The following VAV3 variants were observed in gnomAD, a reference collection of about 807,000 sequenced individuals.
VAV3 encodes vav guanine nucleotide exchange factor 3.
In VAV3, 94 loss-of-function variants were observed where a neutral mutation model predicts 131.2. The observed-to-expected ratio is 0.72, with a 90% CI of 0.61 to 0.85. The LOEUF is 0.85. VAV3 is among the 40% of genes least tolerant of loss of function. The pLI, the probability that VAV3 is intolerant of heterozygous loss-of-function variation, is 0.00. For missense variants in VAV3, 939 were observed against 1,002.7 expected (o/e 0.94, Z 0.86); for synonymous variants, 349 against 342.0 (o/e 1.02, Z -0.22).
At chr1:107,922,951 C>CAA (rs1320244225) in intron 1 of VAV3, among the ~76,000 whole-genome samples, 1 of 75,412 alleles carries the variant, frequency 1.3e-5, no homozygotes, top group East Asian at 3.7e-4. Context: ...GACTCCGTCT[C>CAA]AAAAAAAAAA....
At chr1:107,895,499 C>T (rs928013331) in intron 1 of VAV3, among the ~76,000 whole-genome samples, 6 of 152,136 alleles carry the variant, frequency 3.9e-5, no homozygotes, top group African/African-American at 9.7e-5. Flanking sequence ...GATGAGGAAA[C>T]AGAGGTAGAG....
intron 1 of VAV3, among the ~76,000 whole-genome samples, chr1:107,935,684 G>T (rs1673675661): frequency 6.6e-6 from 1 of 152,208 alleles, no homozygotes; most frequent in African/African-American, 2.4e-5. Flanking sequence ...ACAATAGGGT[G>T]CAGTGGTGTG....
chr1:107,728,600 C>CATATAT lies in VAV3; in HGVS notation c.1502+20367_1502+20368insATATAT, dbSNP rs1553196116. 3.0e-3 allele frequency among the ~76,000 whole-genome samples: 415 copies of CATATAT among 136,960 alleles called. 1 individual carries two copies. The highest frequency in any genetic ancestry group is 4.7e-3 in the Non-Finnish European group (302 of 64,888). 89.9% of individuals were successfully genotyped at this position (136,960 alleles called of 152,430 possible). A position where few individuals can be genotyped will look rare whatever the true frequency, so the allele number is the denominator to read the frequency against. On this transcript the variant is annotated intron_variant, in intron 15 of 26. Transcript: ENST00000370056. ...GAGGACAGTCATATGTATACGTATA[C>CATATAT]GTATATGTATATGTATATGTATATG... is the stretch of plus-strand genomic sequence containing the variant.
At chr1:107,632,699 C>T (rs1363878712) in intron 20 of VAV3, among the ~76,000 whole-genome samples, 1 of 152,188 alleles carries the variant, frequency 6.6e-6, no homozygotes, top group African/African-American at 2.4e-5. Context: ...TAATGTCAAA[C>T]CAATGATAGG....
At chr1:107,831,372 G>T (rs905099102) in intron 2 of VAV3, among the ~76,000 whole-genome samples, 1 of 152,114 alleles carries the variant, frequency 6.6e-6, no homozygotes, top group Non-Finnish European at 1.5e-5. Flanking sequence ...AAAAGAAAAG[G>T]CTATCAAAAT....
At chr1:107,879,517 C>T (rs1670662237) in intron 1 of VAV3, among the ~76,000 whole-genome samples, 1 of 151,780 alleles carries the variant, frequency 6.6e-6, no homozygotes, top group Admixed American at 6.6e-5. Context: ...GATTTTATGG[C>T]TAGAGATAGG....
At position 107,949,246 on chromosome 1, in the gene VAV3, T is replaced by A. The variant is rs555040007; in HGVS notation, c.204+15420A>T. ...TTTTATGTCACATTCTGGTTTTTTTTACATATAATTCATTTATTTTTCAAC... is the reference window on the plus strand; with the variant it reads ...TTTTATGTCACATTCTGGTTTTTTTAACATATAATTCATTTATTTTTCAAC... On this transcript the variant is annotated intron_variant, in intron 1 of 26. Transcript: ENST00000370056. 2.7e-3 allele frequency among the ~76,000 whole-genome samples: 407 copies of A among 152,354 alleles called. 1 individual carries two copies. The highest frequency in any genetic ancestry group is 9.3e-3 in the African/African-American group (386 of 41,584).
chr1:107,602,927 T>C, intron 23 of VAV3, 120 bp downstream of exon 23: 1 of 715,358 alleles, frequency 1.4e-6, no homozygotes, highest in Admixed American at 2.4e-5. Context: ...TCTGGATAGA[T>C]GCATTATTTC....
intron 2 of VAV3, chr1:107,820,648 ATT>A (rs1030394208): frequency 3.9e-5 from 6 of 152,198 alleles, no homozygotes; most frequent in Non-Finnish European, 7.4e-5. Flanking sequence ...AATGATAAAT[ATT>A]TGAGTCGACA....
chr1:107,659,290 G>A (rs1461574163), intron 19 of VAV3, among the ~76,000 whole-genome samples: 3 of 151,762 alleles, frequency 2.0e-5, no homozygotes, highest in Admixed American at 6.6e-5. Flanking sequence ...AAAAAAAAAA[G>A]TATAAAAGGC....
chr1:107,836,184 A>G (rs1158788851), intron 2 of VAV3, among the ~76,000 whole-genome samples: 36 of 152,214 alleles, frequency 2.4e-4, no homozygotes, highest in Non-Finnish European at 2.9e-5. Context: ...ATTGGACCTA[A>G]TAGACATTGA....
intron 2 of VAV3, among the ~76,000 whole-genome samples, chr1:107,851,553 A>G (rs990470208): frequency 3.9e-5 from 6 of 152,266 alleles, no homozygotes; most frequent in Admixed American, 3.3e-4. Context: ...TTTATTTGCA[A>G]GATAAAAAAG....
intron 1 of VAV3, among the ~76,000 whole-genome samples, chr1:107,890,238 ATATATATTG>A (rs1433405655): frequency 6.6e-6 from 1 of 152,184 alleles, no homozygotes; most frequent in East Asian, 1.9e-4. Flanking sequence ...TACATATATC[ATATATATTG>A]TTATCTGTAT....
At chr1:107,799,658 T>C (rs1666733207) in intron 2 of VAV3, among the ~76,000 whole-genome samples, 1 of 152,214 alleles carries the variant, frequency 6.6e-6, no homozygotes, top group African/African-American at 2.4e-5. Context: ...AATTGGCATA[T>C]ACCTCAACTT....
Position 107,728,588 on chromosome 1 carries a change from T to TGTATAC in VAV3, c.1502+20374_1502+20379dup, listed in dbSNP as rs1432016952. Among the ~76,000 whole-genome samples, 334 of 116,024 alleles carry TGTATAC rather than the reference T, an allele frequency of 2.9e-3. 6 individuals carry two copies. The highest frequency in any genetic ancestry group is 5.5e-3 in the South Asian group (20 of 3,620). 76.1% of individuals were successfully genotyped at this position (116,024 alleles called of 152,430 possible). ...AAAAATCTTCATGAGGACAGTCATA[T>TGTATAC]GTATACGTATACGTATATGTATATG... On this transcript the variant is annotated intron_variant, in intron 15 of 26. Transcript: ENST00000370056.
intron 21 of VAV3, among the ~76,000 whole-genome samples, chr1:107,612,395 T>C (rs1652821903): frequency 6.6e-6 from 1 of 152,074 alleles, no homozygotes; most frequent in African/African-American, 2.4e-5. Context: ...CAGATATTAA[T>C]TCAGACATTG....
intron 1 of VAV3, among the ~76,000 whole-genome samples, chr1:107,931,989 T>G (rs2101209781): frequency 6.6e-6 from 1 of 152,322 alleles, no homozygotes; most frequent in East Asian, 1.9e-4. Context: ...CTAATAAATG[T>G]TTTTCTTATG....
At chr1:107,765,616 C>G (rs889759227) in intron 8 of VAV3, among the ~76,000 whole-genome samples, 3 of 152,166 alleles carry the variant, frequency 2.0e-5, no homozygotes, top group African/African-American at 7.2e-5. Flanking sequence ...CCTCTTACTC[C>G]TTGCTACTTT....
At chr1:107,729,691 T>C (rs1662101949) in intron 15 of VAV3, among the ~76,000 whole-genome samples, 1 of 152,224 alleles carries the variant, frequency 6.6e-6, no homozygotes, top group African/African-American at 2.4e-5. Context: ...TGTGATTATT[T>C]AACAAGATGA....
Sources: allele counts gnomAD v4.1 joint callset (sites outside exome capture counted in the v4.1 genomes callset), GRCh38; gene constraint gnomAD v4.1.1; transcripts MANE v1.5; gene names NCBI Gene and HGNC (gene_info 2026-07-23, HGNC 2026-07-21).